The following VCAN variants were observed in gnomAD, a reference collection of about 807,000 sequenced individuals.
VCAN encodes the protein versican core protein.
Under a neutral mutation model 245.5 loss-of-function variants are expected in VCAN, and 44 were observed. The ratio of observed to expected loss-of-function variants is 0.18; its 90% CI spans 0.14 to 0.23. VCAN has a LOEUF of 0.23. VCAN is among the 10% of genes least tolerant of loss of function. The pLI is 1.00. For synonymous variants in VCAN, 1,413 were observed against 1,437.0 expected, an observed-to-expected ratio of 0.98 and a Z score of 0.38; for missense variants, 3,793 against 4,057.9, an observed-to-expected ratio of 0.93 and a Z score of 1.77.
chr5:83,554,867 G>C (rs928196743), intron 11 of VCAN, 89 bp from the exon 12 acceptor site: 1 of 1,239,224 alleles, frequency 8.1e-7, no homozygotes, highest in Non-Finnish European at 1.2e-6. Context: ...GAGGATGCAT[G>C]ATTCATGCTG....
Position 83,521,042 on chromosome 5 carries a change from T to C in VCAN, c.2736T>C (p.Thr912=). The part of the protein sequence containing the change: ...TEEKVPPITS[T]EGQVYATMEG... ...AAAAAGTTCCACCTATCACAAGCACTGAAGGCCAAGTTTATGCAACCATGG... is the reference window on the plus strand; with the variant it reads ...AAAAAGTTCCACCTATCACAAGCACCGAAGGCCAAGTTTATGCAACCATGG... Residue 912 remains threonine (T), a synonymous_variant, in exon 7 of 15, where the codon ACT becomes ACC. Transcript: ENST00000265077. 1 of 1,614,036 alleles carries C rather than the reference T, an allele frequency of 6.2e-7. No homozygotes were observed. The highest frequency in any genetic ancestry group is 8.5e-7 in the Non-Finnish European group (1 of 1,179,962).
At chr5:83,515,929 C>T (rs1182957850) in intron 6 of VCAN, among the ~76,000 whole-genome samples, 1 of 152,156 alleles carries the variant, frequency 6.6e-6, no homozygotes, top group Non-Finnish European at 1.5e-5. Flanking sequence ...ACTCATATAA[C>T]TTTAAAAAGA....
chr5:83,565,329 G>A (rs969507416), intron 12 of VCAN, among the ~76,000 whole-genome samples: 2 of 151,998 alleles, frequency 1.3e-5, no homozygotes, highest in Non-Finnish European at 2.9e-5. Context: ...ATGAATGGAA[G>A]CATTACCAAG....
intron 11 of VCAN, among the ~76,000 whole-genome samples, chr5:83,554,623 C>A (rs2290671): frequency 0.39 from 58,286 of 151,252 alleles, 11,386 homozygotes; most frequent in Admixed American, 0.43. Context: ...ACAACAACAA[C>A]AAAAAAATAG....
chr5:83,537,652 A>T lies in VCAN; in HGVS notation c.4649A>T (p.Glu1550Val), dbSNP rs528961958. ...VSLFPEESSG[E>V]IAIDQESQKI... ...CTGTTTCCTGAAGAGTCTTCAGGAGAGATTGCCATTGACCAAGAATCTCAG... is the reference window on the plus strand; with the variant it reads ...CTGTTTCCTGAAGAGTCTTCAGGAGTGATTGCCATTGACCAAGAATCTCAG... Residue 1550 changes from glutamate (E) to valine (V), a missense_variant, in exon 8 of 15, where the codon GAG becomes GTG. By Grantham distance (121) the Glu-to-Val change is moderately radical. Transcript: ENST00000265077. 6.2e-7 allele frequency: 1 copy of T among 1,613,850 alleles called. No individual in the cohort carries two copies. The highest frequency in any genetic ancestry group is 2.2e-5 in the East Asian group (1 of 44,840).
chr5:83,494,996 T>C (rs1185417753), intron 5 of VCAN, among the ~76,000 whole-genome samples: 1 of 152,124 alleles, frequency 6.6e-6, no homozygotes, highest in Non-Finnish European at 1.5e-5. Context: ...TACATAAATA[T>C]AAGTAAAATA....
At chr5:83,555,509 T>A (rs1186046327) in intron 12 of VCAN, among the ~76,000 whole-genome samples, 2 of 152,224 alleles carry the variant, frequency 1.3e-5, no homozygotes, top group Non-Finnish European at 2.9e-5. Flanking sequence ...GATATGATCT[T>A]GTGAATTTCT....
rs1290859558 is a variant in VCAN, at chr5:83,547,123, G to A, written c.9380-848G>A. 4.6e-5 allele frequency among the ~76,000 whole-genome samples: 7 copies of A among 152,282 alleles called. No homozygotes were observed. In the East Asian group the frequency reaches 1.4e-3, roughly 29 times the overall value. On this transcript the variant is annotated intron_variant, in intron 9 of 14. Transcript: ENST00000265077. ...TCCAGGTATGCCTACTTAGGGGTTT[G>A]GGAGAGGGAGACGTATTGGGAGACA... is the stretch of plus-strand genomic sequence containing the variant.
chr5:83,522,366 T>C (rs1053975890), intron 7 of VCAN, 57 bp downstream of exon 7: 1 of 1,584,626 alleles, frequency 6.3e-7, no homozygotes, highest in Admixed American at 1.7e-5. Flanking sequence ...ATCTTGAAAG[T>C]TACTTTTGGG....
At chr5:83,508,255 C>T (rs528660122) in intron 5 of VCAN, among the ~76,000 whole-genome samples, 1 of 152,286 alleles carries the variant, frequency 6.6e-6, no homozygotes, top group East Asian at 1.9e-4. Flanking sequence ...CAGGTTGACA[C>T]ATACCAGAAA....
At chr5:83,571,590 A>G (rs1748292537) in intron 12 of VCAN, among the ~76,000 whole-genome samples, 1 of 152,172 alleles carries the variant, frequency 6.6e-6, no homozygotes, top group South Asian at 2.1e-4. Flanking sequence ...GGTAACCAGC[A>G]GAGAAATGTC....
chr5:83,496,757 G>A (rs1376329287), intron 5 of VCAN, among the ~76,000 whole-genome samples: 3 of 152,146 alleles, frequency 2.0e-5, no homozygotes, highest in African/African-American at 4.8e-5. Flanking sequence ...TGAGGTAAGA[G>A]GAAGATCACA....
intron 2 of VCAN, among the ~76,000 whole-genome samples, chr5:83,488,108 A>G (rs922816802): frequency 1.3e-5 from 2 of 152,148 alleles, no homozygotes; most frequent in African/African-American, 4.8e-5. Context: ...GATGAATATA[A>G]ATTTGGAGAT....
chr5:83,504,166 A>G (rs778283225), intron 5 of VCAN, among the ~76,000 whole-genome samples: 19 of 152,304 alleles, frequency 1.2e-4, no homozygotes, highest in Non-Finnish European at 2.6e-4. Flanking sequence ...GTCTTACAAC[A>G]TGTCTCCCGT....
intron 1 of VCAN, among the ~76,000 whole-genome samples, chr5:83,481,464 T>G (rs999177896): frequency 1.3e-5 from 2 of 152,154 alleles, no homozygotes; most frequent in African/African-American, 4.8e-5. Context: ...CCTTAAAATA[T>G]TGTAATAGCA....
intron 6 of VCAN, among the ~76,000 whole-genome samples, chr5:83,516,476 G>C (rs966472043): frequency 6.6e-6 from 1 of 152,218 alleles, no homozygotes; most frequent in African/African-American, 2.4e-5. Context: ...GCTAATGGGG[G>C]TTTTAAGTTT....
In VCAN at chr5:83,537,921, G is replaced by C. The variant is rs759184301; in HGVS notation, c.4918G>C (p.Glu1640Gln). ...AGGGAGTTCTTCGATTCCAATTACA[G>C]AAGGCTCTGGAGAAGCAGAAGAAGA... ...LSGSSSIPITEGSGEAEEDED... is the reference protein window; with the variant it reads ...LSGSSSIPITQGSGEAEEDED... The change falls in exon 8 of 15, where the codon GAA (glutamate) becomes CAA (glutamine). Residue 1640 changes from glutamate to glutamine, a missense_variant. Glu to Gln is a conservative substitution (Grantham distance 29, BLOSUM62 2). Transcript: ENST00000265077. 1 of 1,613,944 alleles carries C rather than the reference G, an allele frequency of 6.2e-7. No homozygotes were observed. Among genetic ancestry groups the C allele is most frequent in the Non-Finnish European group, 8.5e-7 (1 of 1,179,964 alleles).
At chr5:83,546,725 A>G (rs1312284728) in intron 9 of VCAN, among the ~76,000 whole-genome samples, 1 of 152,172 alleles carries the variant, frequency 6.6e-6, no homozygotes, top group East Asian at 1.9e-4. Flanking sequence ...GCTGGGTGAC[A>G]AAGTGTCTGG....
At position 83,572,515 on chromosome 5, in the gene VCAN, G is replaced by A. The variant is rs1748324440; in HGVS notation, c.9835G>A (p.Val3279Ile). ...IWHENGQWND[V>I]PCNYHLTYTC... ...GCATGAGAATGGCCAGTGGAATGAT[G>A]TTCCCTGCAATTACCATCTCACCTA... is the stretch of plus-strand genomic sequence containing the variant. The change falls in exon 13 of 15, where the codon GTT (valine) becomes ATT (isoleucine). Residue 3279 changes from valine to isoleucine, a missense_variant. Around this residue, in one of 5 missense-constraint regions of VCAN, gnomAD observed 205 missense variants for 321.1 expected, o/e 0.64. Coordinates refer to ENST00000265077, the MANE Select transcript of VCAN (RefSeq NM_004385.5). The A allele has an allele frequency of 1.2e-6, 2 of 1,613,848 alleles. No homozygotes were observed. Among genetic ancestry groups the A allele is most frequent in the East Asian group, 2.2e-5 (1 of 44,840 alleles).
Sources: gnomAD v4.1 joint callset for allele counts (sites outside exome capture counted in the v4.1 genomes callset) on GRCh38, gnomAD v4.1.1 for gene constraint, gnomAD v4.1.1 regional missense constraint, MANE v1.5 for transcripts, NCBI Gene and HGNC (gene_info 2026-07-23, HGNC 2026-07-21) for gene names.